The following R3HDM2 variants were observed in gnomAD, a reference collection of about 807,000 sequenced individuals.
R3HDM2 encodes R3H domain containing 2.
A neutral mutation model predicts 124.5 loss-of-function variants in R3HDM2; 38 were observed. That is an observed-to-expected ratio of 0.31 (90% CI 0.24 to 0.40). The LOEUF is 0.40. Ranked by LOEUF, R3HDM2 falls within the 10% of genes least tolerant of loss-of-function variation. The pLI is 1.00. For missense variants in R3HDM2, 869 were observed against 1,236.9 expected (o/e 0.70, Z 4.46); for synonymous variants, 391 against 448.0 (o/e 0.87, Z 1.61).
At chr12:57,353,632 C>T (rs964913057) in intron 2 of R3HDM2, among the ~76,000 whole-genome samples, 1 of 151,844 alleles carries the variant, frequency 6.6e-6, no homozygotes, top group Admixed American at 6.6e-5. Context: ...TCAAGCTGGC[C>T]TCAAACTCTT....
chr12:57,326,987 C>CAA (rs57255275), intron 2 of R3HDM2, among the ~76,000 whole-genome samples: 91 of 149,364 alleles, frequency 6.1e-4, no homozygotes, highest in Middle Eastern at 3.5e-3. Flanking sequence ...ATATGTTGCT[C>CAA]AAAAAAAAAA....
intron 2 of R3HDM2, among the ~76,000 whole-genome samples, chr12:57,365,274 G>C (rs12580135): frequency 7.1e-6 from 1 of 140,112 alleles, no homozygotes; most frequent in South Asian, 2.2e-4. Flanking sequence ...CAAAAAAAAA[G>C]AAAAAAAAAA....
intron 2 of R3HDM2, among the ~76,000 whole-genome samples, chr12:57,348,894 CA>C (rs891725072): frequency 6.6e-6 from 1 of 151,550 alleles, no homozygotes; most frequent in African/African-American, 2.4e-5. Flanking sequence ...TGTTTCTAAA[CA>C]AAAAAAGAAG....
rs189018064 is a variant in R3HDM2 at position 57,369,874 on chromosome 12, T to C, written c.-36+25875A>G. Among the ~76,000 whole-genome samples, 1,134 of 152,318 alleles carry C rather than the reference T, an allele frequency of 7.4e-3. 9 individuals are homozygous for C. The highest frequency in any genetic ancestry group is 0.013 in the Non-Finnish European group (871 of 68,026). ...AAAAAGAAGTCAATTCATTTCTTAG[T>C]TTCTCCTAAGATAACTCTTTGAGTG... On this transcript the variant is annotated intron_variant, in intron 2 of 23. Transcript: ENST00000402412.
chr12:57,426,724 T>C (rs1465040238), intron 1 of R3HDM2, among the ~76,000 whole-genome samples: 1 of 152,016 alleles, frequency 6.6e-6, no homozygotes, highest in East Asian at 1.9e-4. Context: ...GCCCTCAGAG[T>C]ATTTTCATTC....
intron 2 of R3HDM2, among the ~76,000 whole-genome samples, chr12:57,320,674 C>G (rs1400830823): frequency 6.6e-6 from 1 of 152,036 alleles, no homozygotes; most frequent in Non-Finnish European, 1.5e-5. Context: ...AGCCAAGATT[C>G]ACCTATTTTT....
At chr12:57,304,416 G>A (rs997016919) in intron 3 of R3HDM2, 10 of 758,882 alleles carry the variant, frequency 1.3e-5, no homozygotes, top group East Asian at 2.6e-4. Context: ...CCAATGGGGC[G>A]TAGAGGGAAC....
chr12:57,427,508 C>T (rs1264073148), intron 1 of R3HDM2, among the ~76,000 whole-genome samples: 1 of 150,526 alleles, frequency 6.6e-6, no homozygotes, highest in African/African-American at 2.4e-5. Flanking sequence ...TACCACCACA[C>T]CCAGCTAATT....
chr12:57,361,028 C>T (rs1295826962), intron 2 of R3HDM2, among the ~76,000 whole-genome samples: 4 of 99,684 alleles, frequency 4.0e-5, no homozygotes, highest in Non-Finnish European at 7.2e-5. Flanking sequence ...CCAGCCTGGG[C>T]AACAGAGCAA....
intron 2 of R3HDM2, among the ~76,000 whole-genome samples, chr12:57,326,138 T>A (rs951472000): frequency 3.9e-5 from 6 of 152,222 alleles, no homozygotes; most frequent in Non-Finnish European, 7.3e-5. Flanking sequence ...ACCACCCAAC[T>A]GTTCCCCGAT....
Position 57,254,311 on chromosome 12 carries a change from G to A in R3HDM2, c.*462C>T. 2 of 429,846 alleles carry A rather than the reference G, an allele frequency of 4.7e-6. No individual in the cohort carries two copies. The highest frequency in any genetic ancestry group is 9.1e-6 in the Non-Finnish European group (2 of 219,306). 26.6% of individuals were successfully genotyped at this position (429,846 alleles called of 1,614,324 possible). ...AGGTCAGGAGTTTGAGGCCAGCCTG[G>A]CCAACATGGTGAAACTCCGTCTCTA... On this transcript the variant is annotated 3_prime_UTR_variant, in exon 24 of 24. Transcript: ENST00000402412.
intron 3 of R3HDM2, among the ~76,000 whole-genome samples, chr12:57,307,400 C>A (rs2052885327): frequency 6.6e-6 from 1 of 151,610 alleles, no homozygotes; most frequent in Non-Finnish European, 1.5e-5. Flanking sequence ...GCCACTGCAA[C>A]CTCTGCCTCC....
chr12:57,386,566 C>T (rs1292039497), intron 2 of R3HDM2, among the ~76,000 whole-genome samples: 1 of 151,770 alleles, frequency 6.6e-6, no homozygotes, highest in Non-Finnish European at 1.5e-5. Flanking sequence ...TCTGTGGGCT[C>T]CTGCGCAGCC....
At chr12:57,353,779 A>C (rs1287521774) in intron 2 of R3HDM2, among the ~76,000 whole-genome samples, 1 of 152,132 alleles carries the variant, frequency 6.6e-6, no homozygotes, top group Non-Finnish European at 1.5e-5. Context: ...TCTTGACATG[A>C]ACATATGGAT....
At chr12:57,271,998 G>A (rs561142255) in intron 14 of R3HDM2, among the ~76,000 whole-genome samples, 2 of 151,984 alleles carry the variant, frequency 1.3e-5, no homozygotes, top group East Asian at 1.9e-4. Flanking sequence ...AGGTTCAAGC[G>A]ATTCTCCTGC....
intron 1 of R3HDM2, among the ~76,000 whole-genome samples, chr12:57,406,643 GAAGT>G (rs1382540100): frequency 2.0e-5 from 3 of 152,178 alleles, no homozygotes; most frequent in Non-Finnish European, 4.4e-5. Context: ...GAAGTTCAAT[GAAGT>G]AAGGGATCTA....
At chr12:57,406,039 T>C (rs2068495195) in intron 1 of R3HDM2, among the ~76,000 whole-genome samples, 1 of 152,010 alleles carries the variant, frequency 6.6e-6, no homozygotes, top group Admixed American at 6.6e-5. Context: ...AAACTGAAAG[T>C]GGCCAGGCGC....
intron 2 of R3HDM2, among the ~76,000 whole-genome samples, chr12:57,386,487 G>A (rs1238642242): frequency 6.6e-6 from 1 of 152,242 alleles, no homozygotes; most frequent in Admixed American, 6.5e-5. Context: ...TTCTTGCCGG[G>A]CCTTAGCTGC....
chr12:57,310,006 G>A (rs1259355377), intron 3 of R3HDM2, among the ~76,000 whole-genome samples: 5 of 152,174 alleles, frequency 3.3e-5, no homozygotes, highest in African/African-American at 4.8e-5. Flanking sequence ...GAGGCCAGGA[G>A]TTTGAGACCA....
Sources: allele counts gnomAD v4.1 joint callset (sites outside exome capture counted in the v4.1 genomes callset), GRCh38; gene constraint gnomAD v4.1.1; transcripts MANE v1.5; gene names NCBI Gene and HGNC (gene_info 2026-07-23, HGNC 2026-07-21).